Variants in GPATCH2L observed in about 807,000 individuals in gnomAD.
The protein encoded by GPATCH2L is G patch domain-containing protein 2-like.
GPATCH2L carries 31 observed loss-of-function variants against 57.4 expected under a neutral mutation model. The ratio of observed to expected loss-of-function variants is 0.54; its 90% confidence interval spans 0.41 to 0.73. The LOEUF (loss-of-function observed/expected upper bound fraction) is 0.73. Among genes scored for constraint, GPATCH2L ranks in the 30% least tolerant of loss-of-function variants. The probability of loss-of-function intolerance (pLI) is 0.00; values close to 1 mark genes in which losing one functional copy is unlikely to be tolerated. For missense variants in GPATCH2L, 481 were observed against 599.9 expected, an observed-to-expected ratio of 0.80 and a Z score of 2.07; for synonymous variants, 199 against 210.7, an observed-to-expected ratio of 0.94 and a Z score of 0.48.
At chr14:76,184,177 C>T (rs967032103) in intron 8 of GPATCH2L, among the ~76,000 whole-genome samples, 3 of 152,076 alleles carry the variant, frequency 2.0e-5, no homozygotes, top group African/African-American at 7.3e-5. Flanking sequence ...GCTGTATTGC[C>T]TCCTGGCTGT....
At chr14:76,169,201 C>G (rs1380576433) in intron 3 of GPATCH2L, among the ~76,000 whole-genome samples, 1 of 152,152 alleles carries the variant, frequency 6.6e-6, no homozygotes, top group Non-Finnish European at 1.5e-5. Context: ...CTCCTTTGTT[C>G]TCTGTGGCTC....
chr14:76,219,088 C>T (rs946356883), downstream of GPATCH2L, among the ~76,000 whole-genome samples: 1 of 149,836 alleles, frequency 6.7e-6, no homozygotes, highest in African/African-American at 2.4e-5. Context: ...ACCCAGAAGC[C>T]ATAAAAGAAA....
In GPATCH2L at chr14:76,151,998, G is replaced by A. The variant is rs2289833; in HGVS notation, c.-11+7G>A. 0.39 allele frequency: 60,216 copies of A among 153,840 alleles called. 14,325 individuals are homozygous for A. The highest frequency in any genetic ancestry group is 0.56 in the South Asian group (2,712 of 4,876). The allele number at this position is 153,840 out of a possible 1,614,324, so 9.5% of individuals were successfully genotyped here. ...GAGGTGGCTGCGGCAGCTGGTGAGG[G>A]GGAGGAATGGGTTGAGAGTGTTGGG... is the stretch of plus-strand genomic sequence containing the variant. On this transcript the variant is annotated splice_region_variant and intron_variant, in intron 1 of 9. Transcript: ENST00000261530.
rs149167474 is a variant in GPATCH2L at position 76,176,661 on chromosome 14, C to G, written c.1023C>G (p.Ser341Arg). 1.2e-6 allele frequency: 2 copies of G among 1,611,134 alleles called. No homozygotes were observed. Among genetic ancestry groups the G allele is most frequent in the South Asian group, 2.2e-5 (2 of 91,018 alleles). ...SINTLGTERI[S>R]HIISDPRQKE... ...ACACTTTGGGGACTGAGAGGATAAGCCATATCATTAGTGACCCTCGGCAGA... is the reference window on the plus strand; with the variant it reads ...ACACTTTGGGGACTGAGAGGATAAGGCATATCATTAGTGACCCTCGGCAGA... Residue 341 changes from serine (S) to arginine (R), a missense_variant, in exon 6 of 10, where the codon AGC becomes AGG. By Grantham distance (110) the Ser-to-Arg change is moderately radical (BLOSUM62 -1). Coordinates refer to ENST00000261530, the MANE Select transcript of GPATCH2L (RefSeq NM_017926.4).
In GPATCH2L at chr14:76,212,143, A is replaced by T. The variant is rs545242928; in HGVS notation, c.*10292A>T. ...AGAAGAAAAATTCAGACTGCTAATT[A>T]TGAGAAAAAACATGTATGCACAACC... On this transcript the variant is annotated 3_prime_UTR_variant, in exon 10 of 10. Transcript: ENST00000261530. 6.6e-6 allele frequency: 1 copy of T among 152,324 alleles called. No individual in the cohort carries two copies. The highest frequency in any genetic ancestry group is 2.1e-4 in the South Asian group (1 of 4,824). 9.4% of individuals were successfully genotyped at this position (152,324 alleles called of 1,614,324 possible). A position where few individuals can be genotyped will look rare whatever the true frequency, so the allele number is the denominator to read the frequency against.
At position 76,176,632 on chromosome 14, in the gene GPATCH2L, A is replaced by G. The variant is rs2039340046; in HGVS notation, c.994A>G (p.Ile332Val). The change falls in exon 6 of 10, where the codon ATA becomes GTA. Residue 332 changes from isoleucine to valine, a missense_variant. Physicochemically the swap from Ile to Val is conservative, Grantham distance 29. Transcript: ENST00000261530. Reference protein sequence around the residue: ...RRRLVGKETSINTLGTERISH... With the variant: ...RRRLVGKETSVNTLGTERISH... ...TGCCTTTTCTTTTTAGGAGACCAGC[A>G]TAAACACTTTGGGGACTGAGAGGAT... The G allele has an allele frequency of 3.7e-6, 6 of 1,608,686 alleles. No individual in the cohort carries two copies. In the African/African-American group the frequency reaches 4.0e-5, roughly 11 times the overall value.
intron 1 of GPATCH2L, among the ~76,000 whole-genome samples, chr14:76,224,622 A>G (rs1179665272): frequency 6.6e-6 from 1 of 152,192 alleles, no homozygotes; most frequent in Non-Finnish European, 1.5e-5. Context: ...TTTCACCTTG[A>G]GATTAGGAAT....
At chr14:76,172,489 AAT>A (rs1420168598) in intron 4 of GPATCH2L, among the ~76,000 whole-genome samples, 1 of 152,204 alleles carries the variant, frequency 6.6e-6, no homozygotes, top group African/African-American at 2.4e-5. Flanking sequence ...CTTTAACACA[AAT>A]ATGTTTCCTT....
chr14:76,216,487 A>G (rs959643569), downstream of GPATCH2L, among the ~76,000 whole-genome samples: 1 of 152,224 alleles, frequency 6.6e-6, no homozygotes, highest in Non-Finnish European at 1.5e-5. Flanking sequence ...TTAAGCCAAT[A>G]TATTTGAAAG....
chr14:76,229,597 T>C lies in GPATCH2L; in HGVS notation c.66-211T>C, dbSNP rs572763333. Among the ~76,000 whole-genome samples the C allele has an allele frequency of 2.0e-5, 3 of 152,280 alleles. No individual in the cohort carries two copies. The South Asian group carries it at 6.2e-4, about 32-fold the overall frequency. Reference sequence around the variant, plus strand: ...TCTCCCGAGAAGCTGCCCTCTACGCTATGGGCCCTGCGTAAGTGTCAATAA... The same window carrying C: ...TCTCCCGAGAAGCTGCCCTCTACGCCATGGGCCCTGCGTAAGTGTCAATAA... On this transcript the variant is annotated intron_variant and NMD_transcript_variant, in intron 1 of 3. Transcript: ENST00000556372.
intron 2 of GPATCH2L, among the ~76,000 whole-genome samples, chr14:76,231,870 G>C (rs1167370042): frequency 6.5e-5 from 1 of 15,306 alleles, no homozygotes; most frequent in Non-Finnish European, 2.3e-4. Flanking sequence ...TTTTGTGTTT[G>C]ATGTGTTACA....
At chr14:76,165,955 T>G (rs1163231233) in intron 2 of GPATCH2L, among the ~76,000 whole-genome samples, 2 of 152,200 alleles carry the variant, frequency 1.3e-5, no homozygotes, top group African/African-American at 4.8e-5. Context: ...GAGAAGTTTT[T>G]CTTGAACCAG....
intron 2 of GPATCH2L, among the ~76,000 whole-genome samples, chr14:76,231,616 A>AACAC (rs1203145233): frequency 1.9e-3 from 63 of 32,380 alleles, no homozygotes; most frequent in Middle Eastern, 0.014. Flanking sequence ...TTAGAAACTA[A>AACAC]ACACATACAC....
At chr14:76,156,689 G>A (rs532626994) in intron 2 of GPATCH2L, among the ~76,000 whole-genome samples, 1 of 152,304 alleles carries the variant, frequency 6.6e-6, no homozygotes, top group South Asian at 2.1e-4. Context: ...ATTGAGAATG[G>A]TGATTTTAAA....
intron 3 of GPATCH2L, 31 bp downstream of exon 3, chr14:76,166,758 T>G: frequency 6.8e-7 from 1 of 1,461,106 alleles, no homozygotes; most frequent in South Asian, 1.1e-5. Flanking sequence ...GGGACCTTGG[T>G]TCCGTGTTTA....
rs73306547 is a variant in GPATCH2L at position 76,232,558 on chromosome 14, C to T, written c.*117+2605C>T. On this transcript the variant is annotated intron_variant and NMD_transcript_variant, in intron 2 of 3. Coordinates refer to the GPATCH2L transcript ENST00000556372. The stretch of plus-strand genomic sequence containing the variant: ...GTGACACCAATTGCAAGTCCGGGGG[C>T]GTTCCAAAAACCATTCTGGGGTTTG... 7.3e-3 allele frequency among the ~76,000 whole-genome samples: 1,110 copies of T among 152,248 alleles called. 17 individuals carry two copies. Among genetic ancestry groups the T allele is most frequent in the African/African-American group, 0.025 (1,040 of 41,544 alleles).
At position 76,205,218 on chromosome 14, in the gene GPATCH2L, C is replaced by T. The variant is rs761778560; in HGVS notation, c.*3367C>T. The T allele has an allele frequency of 2.1e-4, 32 of 152,230 alleles. No individual in the cohort carries two copies. Among genetic ancestry groups the T allele is most frequent in the Non-Finnish European group, 4.1e-4 (28 of 68,106 alleles). 9.4% of individuals were successfully genotyped at this position (152,230 alleles called of 1,614,324 possible). A position where few individuals can be genotyped will look rare whatever the true frequency, so the allele number is the denominator to read the frequency against. On this transcript the variant is annotated 3_prime_UTR_variant, in exon 10 of 10. Coordinates refer to ENST00000261530, the MANE Select transcript of GPATCH2L (RefSeq NM_017926.4). ...CTCCTAACCTCAAGCAATCTTCCTGCCTCAGCCTCCCCAGGTGTTGTAATA... is the reference window on the plus strand; with the variant it reads ...CTCCTAACCTCAAGCAATCTTCCTGTCTCAGCCTCCCCAGGTGTTGTAATA...
In GPATCH2L at chr14:76,211,293, CAG is replaced by C. The variant is rs750737210; in HGVS notation, c.*9443_*9444del. On this transcript the variant is annotated 3_prime_UTR_variant, in exon 10 of 10. Coordinates refer to ENST00000261530, the MANE Select transcript of GPATCH2L (RefSeq NM_017926.4). ...TATTGCCGTATTCCTCTGCTAAGCT[CAG>C]GGTGCATTCGTGGAAACCCTACTGC... 8 of 152,240 alleles carry C rather than the reference CAG, an allele frequency of 5.3e-5. No homozygotes were observed. The highest frequency in any genetic ancestry group is 8.8e-5 in the Non-Finnish European group (6 of 68,056). 9.4% of individuals were successfully genotyped at this position (152,240 alleles called of 1,614,324 possible). A position where few individuals can be genotyped will look rare whatever the true frequency, so the allele number is the denominator to read the frequency against.
chr14:76,160,112 C>T (rs1223701818), intron 2 of GPATCH2L, among the ~76,000 whole-genome samples: 1 of 151,976 alleles, frequency 6.6e-6, no homozygotes, highest in Non-Finnish European at 1.5e-5. Flanking sequence ...TGAGTGCACT[C>T]GAGCCTGGGC....
Sources: gnomAD v4.1 joint callset for allele counts (sites outside exome capture counted in the v4.1 genomes callset) on GRCh38, gnomAD v4.1.1 for gene constraint, MANE v1.5 for transcripts, NCBI Gene and HGNC (gene_info 2026-07-23, HGNC 2026-07-21) for gene names.